The following STARD9 variants were observed in gnomAD, a reference collection of about 807,000 sequenced individuals.
STARD9 encodes StAR related lipid transfer domain containing 9.
STARD9 carries 346 observed loss-of-function variants against 399.8 expected under a neutral mutation model. That is an observed-to-expected ratio of 0.87 (90% CI 0.79 to 0.95). STARD9 has a LOEUF of 0.95. STARD9 is among the 40% of genes least tolerant of loss of function. The probability of loss-of-function intolerance (pLI) is 0.00; values close to 1 mark genes in which losing one functional copy is unlikely to be tolerated. For missense variants in STARD9, 5,832 were observed against 5,667.5 expected (o/e 1.03, Z -0.93); for synonymous variants, 2,203 against 2,143.5 (o/e 1.03, Z -0.77).
intron 3 of STARD9, among the ~76,000 whole-genome samples, chr15:42,594,455 G>T (rs919376940): frequency 2.0e-5 from 3 of 152,154 alleles, no homozygotes; most frequent in Non-Finnish European, 4.4e-5. Context: ...GCAGAAAATT[G>T]TACGTAATTA....
chr15:42,668,156 G>T (rs770590950), intron 15 of STARD9, among the ~76,000 whole-genome samples: 5 of 152,176 alleles, frequency 3.3e-5, no homozygotes, highest in African/African-American at 4.8e-5. Flanking sequence ...GCTGTGCCAG[G>T]TTGGCTGAAC....
chr15:42,688,468 C>G lies in STARD9; in HGVS notation c.6890C>G (p.Pro2297Arg), dbSNP rs962615987. The change falls in exon 23 of 33, where the codon CCT (proline) becomes CGT (arginine). Residue 2297 changes from proline (P) to arginine (R), a missense_variant. Around this residue, in one of 2 missense-constraint regions of STARD9, gnomAD observed 5,828 missense variants for 5,651.1 expected, o/e 1.03. Transcript: ENST00000290607. ...QEENKVTQKFPSLSQLCRDTF... is the reference protein window; with the variant it reads ...QEENKVTQKFRSLSQLCRDTF... ...GAAAATAAAGTGACTCAGAAATTTC[C>G]TAGTCTCAGCCAGCTTTGTAGGGAC... is the stretch of plus-strand genomic sequence containing the variant. The G allele has an allele frequency of 1.3e-6, 2 of 1,537,708 alleles. No homozygotes were observed. The highest frequency in any genetic ancestry group is 1.4e-5 in the African/African-American group (1 of 73,038).
Position 42,694,534 on chromosome 15 carries a change from AAAG to A in STARD9, c.12772_12774del (p.Lys4258del). 2 of 1,537,156 alleles carry A rather than the reference AAAG, an allele frequency of 1.3e-6. No individual in the cohort carries two copies. Among genetic ancestry groups the A allele is most frequent in the Non-Finnish European group, 1.7e-6 (2 of 1,146,886 alleles). On this transcript the variant is annotated inframe_deletion, in exon 24 of 33. Transcript: ENST00000290607. ...GAATCGTGTTTTGCCTCAGGCAAAAAAAGGCCATTGAGACCCTCAGGAGAGAGC... is the reference window on the plus strand; with the variant it reads ...GAATCGTGTTTTGCCTCAGGCAAAAAGCCATTGAGACCCTCAGGAGAGAGC...
chr15:42,664,906 T>C (rs1439132441), intron 13 of STARD9, among the ~76,000 whole-genome samples: 2 of 152,106 alleles, frequency 1.3e-5, no homozygotes, highest in African/African-American at 4.8e-5. Context: ...TAGTACCTAC[T>C]ACCTATACAT....
chr15:42,658,045 T>C (rs1241216282), intron 9 of STARD9, among the ~76,000 whole-genome samples: 1 of 152,266 alleles, frequency 6.6e-6, no homozygotes, highest in Non-Finnish European at 1.5e-5. Context: ...ACCTTTGTGA[T>C]TCTTGATTAG....
At chr15:42,611,195 A>C (rs796121027) in intron 3 of STARD9, among the ~76,000 whole-genome samples, 2 of 152,344 alleles carry the variant, frequency 1.3e-5, no homozygotes, top group African/African-American at 4.8e-5. Context: ...AGATTTTTTG[A>C]AATACAGCCA....
Position 42,692,674 on chromosome 15 carries a change from C to G in STARD9, c.11096C>G (p.Ser3699Cys), listed in dbSNP as rs1266871073. ...HSTSELLGSL[S>C]QPDVARREQN... The stretch of plus-strand genomic sequence containing the variant: ...ACCTCAGAGCTGCTTGGGAGTCTCT[C>G]CCAGCCAGATGTGGCCAGAAGGGAG... Residue 3699 changes from serine to cysteine, a missense_variant, in exon 23 of 33, where the codon TCC (serine) becomes TGC (cysteine). Ser to Cys is a moderately radical substitution (Grantham distance 112, BLOSUM62 -1). This residue lies in a region of STARD9 where 5,828 missense variants were observed against 5,651.1 expected (regional missense o/e 1.03). Transcript: ENST00000290607. 5.9e-6 allele frequency: 9 copies of G among 1,537,070 alleles called. No individual in the cohort carries two copies. The highest frequency in any genetic ancestry group is 7.8e-6 in the Non-Finnish European group (9 of 1,146,908).
chr15:42,694,289 G>A lies in STARD9; in HGVS notation c.12711G>A (p.Glu4237=). The change falls in exon 23 of 33, where the codon GAG becomes GAA. Residue 4237 remains glutamate (E), a synonymous_variant. Coordinates refer to ENST00000290607, the MANE Select transcript of STARD9 (RefSeq NM_020759.3). ...LLQVLQSGTG[E]ALAADEPVTS... ...AGGTGCTGCAGAGTGGGACAGGGGAGGCGCTTGCTGCTGATGAACCTGTGA... is the reference window on the plus strand; with the variant it reads ...AGGTGCTGCAGAGTGGGACAGGGGAAGCGCTTGCTGCTGATGAACCTGTGA... 1 of 1,517,970 alleles carries A rather than the reference G, an allele frequency of 6.6e-7. No homozygotes were observed. The highest frequency in any genetic ancestry group is 8.8e-7 in the Non-Finnish European group (1 of 1,136,884). 94.0% of individuals were successfully genotyped at this position (1,517,970 alleles called of 1,614,324 possible).
chr15:42,616,809 C>G (rs544593985), intron 3 of STARD9, among the ~76,000 whole-genome samples: 1 of 148,986 alleles, frequency 6.7e-6, no homozygotes, highest in African/African-American at 2.5e-5. Context: ...GAGAATGGCA[C>G]GAACCCAGGA....
rs1391490246 is a variant in STARD9 at position 42,685,829 on chromosome 15, T to G, written c.4251T>G (p.Ala1417=). The G allele has an allele frequency of 6.5e-7, 1 of 1,537,058 alleles. No individual in the cohort carries two copies. Among genetic ancestry groups the G allele is most frequent in the African/African-American group, 1.4e-5 (1 of 73,066 alleles). The part of the protein sequence containing the change: ...CSARDEHTAS[A]ADTSRLSLWG... The stretch of plus-strand genomic sequence containing the variant: ...CAAGAGATGAGCACACAGCCTCTGC[T>G]GCTGATACGTCTAGGCTGTCTCTCT... Residue 1417 remains alanine (A), a synonymous_variant, in exon 23 of 33, where the codon GCT becomes GCG. Coordinates refer to ENST00000290607, the MANE Select transcript of STARD9 (RefSeq NM_020759.3).
At chr15:42,633,297 G>GT (rs2059365138) in intron 3 of STARD9, among the ~76,000 whole-genome samples, 1 of 152,178 alleles carries the variant, frequency 6.6e-6, no homozygotes, top group Non-Finnish European at 1.5e-5. Flanking sequence ...AGTTTACAAA[G>GT]TTTAAGTAAC....
chr15:42,689,678 AATC>A lies in STARD9; in HGVS notation c.8103_8105del (p.Ile2702del). ...TTATATGTCACTCTAGTTCTTCTGA[AATC>A]ATAGAGAAAAAGAAAGATGCAACCA... On this transcript the variant is annotated inframe_deletion, in exon 23 of 33. Transcript: ENST00000290607. The A allele has an allele frequency of 2.0e-6, 3 of 1,537,804 alleles. No individual in the cohort carries two copies. Among genetic ancestry groups the A allele is most frequent in the Non-Finnish European group, 1.7e-6 (2 of 1,147,034 alleles).
intron 26 of STARD9, among the ~76,000 whole-genome samples, chr15:42,709,885 T>G (rs2140378272): frequency 6.6e-6 from 1 of 152,342 alleles, no homozygotes; most frequent in Non-Finnish European, 1.5e-5. Flanking sequence ...CAGTCCCTTC[T>G]TCCGCCACTT....
intron 26 of STARD9, among the ~76,000 whole-genome samples, chr15:42,696,132 C>G (rs2060842221): frequency 6.6e-6 from 1 of 152,218 alleles, no homozygotes; most frequent in Non-Finnish European, 1.5e-5. Context: ...CAAAACTGTT[C>G]TTGTCCTTAG....
intron 26 of STARD9, among the ~76,000 whole-genome samples, chr15:42,702,367 C>T (rs976541122): frequency 2.6e-5 from 4 of 152,048 alleles, no homozygotes; most frequent in Non-Finnish European, 5.9e-5. Context: ...CCATGCCTGG[C>T]TAATTTTTGT....
chr15:42,686,965 AT>A lies in STARD9; in HGVS notation c.5388del (p.Asn1796LysfsTer28). ...HQALQGAYLK[N>X]NLPVLLQNQN... ...GCTCTCCAAGGTGCTTATTTGAAGAATAATTTGCCAGTGCTGTTACAAAACC... is the reference window on the plus strand; with the variant it reads ...GCTCTCCAAGGTGCTTATTTGAAGAAAATTTGCCAGTGCTGTTACAAAACC... On this transcript the variant is annotated frameshift_variant, in exon 23 of 33. Transcript: ENST00000290607. LOFTEE classifies it high-confidence loss of function. 1 of 1,536,572 alleles carries A rather than the reference AT, an allele frequency of 6.5e-7. No homozygotes were observed. The highest frequency in any genetic ancestry group is 2.4e-5 in the East Asian group (1 of 40,920).
chr15:42,613,347 G>T lies in STARD9; in HGVS notation c.235-21509G>T, dbSNP rs574946257. On this transcript the variant is annotated intron_variant, in intron 3 of 32. Coordinates refer to ENST00000290607, the MANE Select transcript of STARD9 (RefSeq NM_020759.3). ...AAAGGTAATAAAAGAGTAGCATTTA[G>T]CAAAGAGGGGATATTTTAGGATCTG... 5.9e-5 allele frequency among the ~76,000 whole-genome samples: 9 copies of T among 152,220 alleles called. No homozygotes were observed. The East Asian group carries it at 1.5e-3, about 26-fold the overall frequency.
In STARD9 at chr15:42,688,629, G is replaced by A; in HGVS notation, c.7051G>A (p.Val2351Ile). The change falls in exon 23 of 33, where the codon GTT (valine) becomes ATT (isoleucine). Residue 2351 changes from valine (V) to isoleucine (I), a missense_variant. Val to Ile is a conservative substitution (Grantham distance 29). Transcript: ENST00000290607. The part of the protein sequence containing the change: ...RWPRRCLHVP[V>I]ALGISSLDCV... ...GCCAAGAAGGTGTCTTCATGTACCT[G>A]TTGCTCTAGGCATCTCTTCACTTGA... 6.5e-7 allele frequency: 1 copy of A among 1,537,578 alleles called. No individual in the cohort carries two copies. Among genetic ancestry groups the A allele is most frequent in the Non-Finnish European group, 8.7e-7 (1 of 1,147,002 alleles).
At chr15:42,584,793 G>A (rs2058241624) in intron 2 of STARD9, among the ~76,000 whole-genome samples, 2 of 152,180 alleles carry the variant, frequency 1.3e-5, no homozygotes, top group South Asian at 4.1e-4. Flanking sequence ...GGTTGATGAA[G>A]CCTGTCAGGC....
Sources: gnomAD v4.1 joint callset for allele counts (sites outside exome capture counted in the v4.1 genomes callset) on GRCh38, gnomAD v4.1.1 for gene constraint, gnomAD v4.1.1 regional missense constraint, MANE v1.5 for transcripts, NCBI Gene and HGNC (gene_info 2026-07-23, HGNC 2026-07-21) for gene names.